The following CYB5B variants were observed in gnomAD, a reference collection of about 807,000 sequenced individuals.
CYB5B encodes cytochrome b5 type B, also known as cytochrome b5 type B (outer mitochondrial membrane).
CYB5B carries 14 observed loss-of-function variants against 21.3 expected under a neutral mutation model. The ratio of observed to expected loss-of-function variants is 0.66; its 90% confidence interval spans 0.43 to 1.03. CYB5B has a LOEUF of 1.03. Among genes scored for constraint, CYB5B ranks in the 50% least tolerant of loss-of-function variants. The pLI is 0.00. For synonymous variants in CYB5B, 69 were observed against 68.4 expected (o/e 1.01, Z -0.04); for missense variants, 166 against 185.1 (o/e 0.90, Z 0.60).
intron 3 of CYB5B, chr16:69,449,165 T>C (rs1030184723): frequency 2.6e-5 from 4 of 152,174 alleles, no homozygotes; most frequent in Admixed American, 6.5e-5. Context: ...CTGTTGGTTG[T>C]TTGTCCTCTC....
intron 3 of CYB5B, among the ~76,000 whole-genome samples, chr16:69,450,978 T>C (rs1188843428): frequency 2.0e-5 from 3 of 152,198 alleles, no homozygotes; most frequent in Non-Finnish European, 4.4e-5. Context: ...TTCATATTAC[T>C]TTTATAACAC....
intron 3 of CYB5B, among the ~76,000 whole-genome samples, chr16:69,454,698 C>T (rs971661010): frequency 2.0e-5 from 3 of 152,224 alleles, no homozygotes; most frequent in Admixed American, 2.0e-4. Context: ...ATACCCATTA[C>T]ATTTGCCAAA....
chr16:69,455,975 C>G (rs540987861), intron 3 of CYB5B, among the ~76,000 whole-genome samples: 1 of 152,210 alleles, frequency 6.6e-6, no homozygotes, highest in Non-Finnish European at 1.5e-5. Context: ...TCACATTGAT[C>G]TGAGCTTTTC....
chr16:69,459,256 A>C, intron 4 of CYB5B, 135 bp downstream of exon 4: 1 of 1,133,438 alleles, frequency 8.8e-7, no homozygotes, highest in Non-Finnish European at 1.2e-6. Context: ...AATCATTGCA[A>C]ATTCAGTTGT....
chr16:69,440,051 T>A (rs2014803877), intron 1 of CYB5B, among the ~76,000 whole-genome samples: 1 of 152,040 alleles, frequency 6.6e-6, no homozygotes, highest in South Asian at 2.1e-4. Flanking sequence ...TTAGTTTGTT[T>A]TTAATATAGA....
At chr16:69,444,772 G>T (rs2311395) in intron 1 of CYB5B, among the ~76,000 whole-genome samples, 53,741 of 146,754 alleles carry the variant, frequency 0.37, 10,563 homozygotes, top group Admixed American at 0.47. Flanking sequence ...AAATAGTAAG[G>T]ATTCAATAAA....
intron 1 of CYB5B, among the ~76,000 whole-genome samples, chr16:69,425,691 C>T (rs929427733): frequency 6.6e-6 from 1 of 152,182 alleles, no homozygotes; most frequent in African/African-American, 2.4e-5. Context: ...CCATTTCCAT[C>T]ATTCTAAAAA....
Position 69,424,862 on chromosome 16 carries a change from G to C in CYB5B, c.174+5G>C, listed in dbSNP as rs1597277167. The C allele has an allele frequency of 1.3e-6, 2 of 1,567,238 alleles. No individual in the cohort carries two copies. The highest frequency in any genetic ancestry group is 1.7e-6 in the Non-Finnish European group (2 of 1,155,022). ...GTCACCCGCTTCCTCAACGAGGTGGGGCCTGGGAGGTGGGAGGCCTCTGAA... is the reference window on the plus strand; with the variant it reads ...GTCACCCGCTTCCTCAACGAGGTGGCGCCTGGGAGGTGGGAGGCCTCTGAA... On this transcript the variant is annotated splice_donor_5th_base_variant and intron_variant, in intron 1 of 4. Transcript: ENST00000307892.
chr16:69,432,882 C>T (rs1441415820), intron 1 of CYB5B, among the ~76,000 whole-genome samples: 3 of 152,126 alleles, frequency 2.0e-5, no homozygotes, highest in Non-Finnish European at 2.9e-5. Flanking sequence ...CTGCAACTTC[C>T]ACCTCCCGGG....
chr16:69,462,409 G>T, intron 4 of CYB5B, 21 bp from the exon 5 acceptor site: 4 of 1,576,026 alleles, frequency 2.5e-6, no homozygotes, highest in Non-Finnish European at 3.5e-6. Flanking sequence ...CAACTTTATT[G>T]CTTTCTCCCC....
At chr16:69,446,995 G>C (rs2014884861) in intron 1 of CYB5B, among the ~76,000 whole-genome samples, 155 bp from the exon 2 acceptor site, 1 of 152,168 alleles carries the variant, frequency 6.6e-6, no homozygotes, top group Admixed American at 6.5e-5. Flanking sequence ...AAGTTATGCT[G>C]TGTTCTTCCC....
At chr16:69,439,578 C>CT (rs202158646) in intron 1 of CYB5B, among the ~76,000 whole-genome samples, 6 of 151,686 alleles carry the variant, frequency 4.0e-5, no homozygotes, top group African/African-American at 7.2e-5. Flanking sequence ...AATCTACCAT[C>CT]TTTTTTTTGA....
rs544581340 is a variant in CYB5B, at chr16:69,466,237, C to T, written c.*3717C>T. The T allele has an allele frequency of 6.6e-6, 1 of 152,638 alleles. No individual in the cohort carries two copies. The highest frequency in any genetic ancestry group is 1.5e-5 in the Non-Finnish European group (1 of 68,034). 9.5% of individuals were successfully genotyped at this position (152,638 alleles called of 1,614,324 possible). A position where few individuals can be genotyped will look rare whatever the true frequency, so the allele number is the denominator to read the frequency against. On this transcript the variant is annotated 3_prime_UTR_variant, in exon 5 of 5. Coordinates refer to ENST00000307892, the MANE Select transcript of CYB5B (RefSeq NM_030579.3). ...ACACAGTGAACGTTTGTTAGAACTACACACAATAAAGACACTGTTTTCCTT... is the reference window on the plus strand; with the variant it reads ...ACACAGTGAACGTTTGTTAGAACTATACACAATAAAGACACTGTTTTCCTT...
chr16:69,427,397 T>C (rs1391071006), intron 1 of CYB5B, among the ~76,000 whole-genome samples: 3 of 145,814 alleles, frequency 2.1e-5, no homozygotes, highest in Non-Finnish European at 4.5e-5. Context: ...TGTTTCTTTC[T>C]TTTTTTTTTT....
At chr16:69,437,867 A>G (rs1211321269) in intron 1 of CYB5B, among the ~76,000 whole-genome samples, 1 of 152,100 alleles carries the variant, frequency 6.6e-6, no homozygotes, top group Non-Finnish European at 1.5e-5. Context: ...ATCAAATAAT[A>G]TTTGTCATTT....
chr16:69,464,949 G>A lies in CYB5B; in HGVS notation c.*2429G>A, dbSNP rs1266487496. 6.6e-6 allele frequency: 1 copy of A among 152,608 alleles called. No individual in the cohort carries two copies. The highest frequency in any genetic ancestry group is 2.4e-5 in the African/African-American group (1 of 41,446). 9.5% of individuals were successfully genotyped at this position (152,608 alleles called of 1,614,324 possible). A position where few individuals can be genotyped will look rare whatever the true frequency, so the allele number is the denominator to read the frequency against. On this transcript the variant is annotated 3_prime_UTR_variant, in exon 5 of 5. Coordinates refer to ENST00000307892, the MANE Select transcript of CYB5B (RefSeq NM_030579.3). ...TTTTGTTGCCTACAAAAACAGCCAG[G>A]TGAAAGCTAAATCTTGTGTGAGAGT...
At chr16:69,435,687 G>A (rs1273231150) in intron 1 of CYB5B, among the ~76,000 whole-genome samples, 1 of 151,980 alleles carries the variant, frequency 6.6e-6, no homozygotes, top group East Asian at 1.9e-4. Context: ...TCCCAGGCTG[G>A]AGTGCAGTGG....
At chr16:69,452,206 C>G (rs1435592839) in intron 3 of CYB5B, among the ~76,000 whole-genome samples, 1 of 147,944 alleles carries the variant, frequency 6.8e-6, no homozygotes, top group Non-Finnish European at 1.5e-5. Context: ...CCCAGGTACT[C>G]GGGAGGCTGA....
At chr16:69,428,048 C>T (rs189712366) in intron 1 of CYB5B, among the ~76,000 whole-genome samples, 7 of 151,190 alleles carry the variant, frequency 4.6e-5, no homozygotes, top group African/African-American at 1.5e-4. Flanking sequence ...TGGTCTGGAA[C>T]TCCTGGGCTC....
Sources: gnomAD v4.1 joint callset for allele counts (sites outside exome capture counted in the v4.1 genomes callset) on GRCh38, gnomAD v4.1.1 for gene constraint, MANE v1.5 for transcripts, NCBI Gene and HGNC (gene_info 2026-07-23, HGNC 2026-07-21) for gene names.